Variants in LINGO2 observed in about 807,000 individuals in gnomAD.
LINGO2 encodes leucine-rich repeat and immunoglobulin-like domain-containing nogo receptor-interacting protein 2.
Under a neutral mutation model 30.6 loss-of-function variants are expected in LINGO2, and 14 were observed. The observed-to-expected ratio is 0.46, with a 90% CI of 0.30 to 0.72. LINGO2 has a LOEUF of 0.72. Ranked by LOEUF, LINGO2 falls within the 30% of genes least tolerant of loss-of-function variation. The pLI, the probability that LINGO2 is intolerant of heterozygous loss-of-function variation, is 0.07. For synonymous variants in LINGO2, 317 were observed against 288.5 expected, an observed-to-expected ratio of 1.10 and a Z score of -1.00; for missense variants, 729 against 751.7, an observed-to-expected ratio of 0.97 and a Z score of 0.35.
intron 1 of LINGO2, among the ~76,000 whole-genome samples, chr9:28,553,369 G>T (rs983620911): frequency 6.6e-6 from 1 of 152,054 alleles, no homozygotes; most frequent in Non-Finnish European, 1.5e-5. Flanking sequence ...CTCAGGAGCC[G>T]ATGTGATCAA....
the LINGO2 span, among the ~76,000 whole-genome samples, chr9:28,904,846 T>G: frequency 6.6e-6 from 1 of 151,968 alleles, no homozygotes; most frequent in African/African-American, 2.4e-5. Flanking sequence ...AATACTAAAA[T>G]TTGTATGATA....
At chr9:28,293,817 G>T (rs895075133) in intron 4 of LINGO2, among the ~76,000 whole-genome samples, 3 of 152,210 alleles carry the variant, frequency 2.0e-5, no homozygotes, top group African/African-American at 7.2e-5. Context: ...GACTATGGAA[G>T]TCTATCCCAA....
chr9:28,632,854 T>TATATATATATATATATATATATATA (rs1563878982), intron 1 of LINGO2, among the ~76,000 whole-genome samples: 26 of 83,036 alleles, frequency 3.1e-4, no homozygotes, highest in African/African-American at 1.7e-3. Context: ...TATATATATT[T>TATATATATATATATATATATATATA]TTTATATATA....
chr9:28,939,241 C>T, the LINGO2 span, among the ~76,000 whole-genome samples: 1 of 152,094 alleles, frequency 6.6e-6, no homozygotes, highest in East Asian at 1.9e-4. Flanking sequence ...AAGAGAACAG[C>T]CACTCCTCCT....
intron 4 of LINGO2, among the ~76,000 whole-genome samples, chr9:28,056,853 C>G (rs1432160163): frequency 6.6e-6 from 1 of 152,068 alleles, no homozygotes; most frequent in Non-Finnish European, 1.5e-5. Flanking sequence ...ATTCTCAGTT[C>G]ATGCTTTTTT....
chr9:28,599,355 T>C (rs986133137), intron 1 of LINGO2: 2 of 152,170 alleles, frequency 1.3e-5, no homozygotes, highest in Non-Finnish European at 2.9e-5. Context: ...CTGAACAATA[T>C]TATTGTAAGC....
At chr9:28,571,636 T>C (rs12003131) in intron 1 of LINGO2, among the ~76,000 whole-genome samples, 1 of 152,120 alleles carries the variant, frequency 6.6e-6, no homozygotes, top group Non-Finnish European at 1.5e-5. Context: ...AATCCACTTC[T>C]TTTGTATGGC....
the LINGO2 span, among the ~76,000 whole-genome samples, chr9:28,982,804 T>G: frequency 1.3e-5 from 2 of 152,068 alleles, no homozygotes; most frequent in Non-Finnish European, 2.9e-5. Flanking sequence ...AAAATAATTC[T>G]GAAAATGAAA....
At chr9:28,102,743 A>G (rs1009511586) in intron 4 of LINGO2, among the ~76,000 whole-genome samples, 4 of 151,858 alleles carry the variant, frequency 2.6e-5, no homozygotes, top group Non-Finnish European at 4.4e-5. Context: ...TAATAAGCAT[A>G]AAAAATGTTC....
chr9:28,734,238 T>C, the LINGO2 span, among the ~76,000 whole-genome samples: 8 of 152,260 alleles, frequency 5.3e-5, no homozygotes, highest in African/African-American at 1.9e-4. Context: ...CCCAGAAGGC[T>C]AAGTGACTAA....
chr9:28,803,679 C>T, the LINGO2 span, among the ~76,000 whole-genome samples: 1 of 151,920 alleles, frequency 6.6e-6, no homozygotes, highest in East Asian at 1.9e-4. Context: ...GACATCTAGT[C>T]CAATTATTTC....
chr9:28,091,353 G>C (rs1563968983), intron 4 of LINGO2, among the ~76,000 whole-genome samples: 1 of 152,110 alleles, frequency 6.6e-6, no homozygotes, highest in Non-Finnish European at 1.5e-5. Flanking sequence ...CATGGTACTG[G>C]TACCAAAACA....
At chr9:29,174,493 T>C in the LINGO2 span, among the ~76,000 whole-genome samples, 1 of 152,172 alleles carries the variant, frequency 6.6e-6, no homozygotes, top group Non-Finnish European at 1.5e-5. Flanking sequence ...GTCCTAGGAC[T>C]AGACAGATTT....
At chr9:28,222,380 T>G (rs1587259438) in intron 4 of LINGO2, among the ~76,000 whole-genome samples, 1 of 152,284 alleles carries the variant, frequency 6.6e-6, no homozygotes, top group East Asian at 1.9e-4. Flanking sequence ...AAATCACAGC[T>G]TTTGAATCGA....
At chr9:28,473,113 C>G (rs565728163) in intron 2 of LINGO2, among the ~76,000 whole-genome samples, 1 of 151,934 alleles carries the variant, frequency 6.6e-6, no homozygotes, top group South Asian at 2.1e-4. Context: ...CTTTACTGAT[C>G]TGAGATTGTG....
intron 4 of LINGO2, among the ~76,000 whole-genome samples, chr9:28,027,464 A>C (rs544013247): frequency 1.3e-5 from 2 of 152,264 alleles, no homozygotes; most frequent in South Asian, 4.2e-4. Flanking sequence ...TAATCACAAA[A>C]AAATTATTCA....
intron 2 of LINGO2, among the ~76,000 whole-genome samples, chr9:28,407,813 G>A (rs1822574641): frequency 6.6e-6 from 1 of 152,052 alleles, no homozygotes; most frequent in Non-Finnish European, 1.5e-5. Context: ...CTGTATCTCA[G>A]TCTTATCCAT....
chr9:28,195,566 A>AT (rs889143984), intron 4 of LINGO2, among the ~76,000 whole-genome samples: 7 of 150,812 alleles, frequency 4.6e-5, no homozygotes, highest in African/African-American at 1.5e-4. Context: ...TAAAAGATTG[A>AT]TTTTTTTCAC....
At chr9:28,336,163 G>C (rs1424513711) in intron 3 of LINGO2, among the ~76,000 whole-genome samples, 1 of 151,916 alleles carries the variant, frequency 6.6e-6, no homozygotes, top group Non-Finnish European at 1.5e-5. Flanking sequence ...GTTTTAATTT[G>C]CATTGCTCTA....
Sources: allele counts gnomAD v4.1 joint callset (sites outside exome capture counted in the v4.1 genomes callset), GRCh38; gene constraint gnomAD v4.1.1; transcripts MANE v1.5; gene names NCBI Gene and HGNC (gene_info 2026-07-23, HGNC 2026-07-21).